XYLT1: variants seen among roughly 807,000 people sequenced by gnomAD.
XYLT1 encodes the protein xylosyltransferase 1.
In XYLT1, 36 loss-of-function variants were observed where a neutral mutation model predicts 91.3. That is an observed-to-expected ratio of 0.39 (90% CI 0.30 to 0.52). XYLT1 has a LOEUF of 0.52. XYLT1 is among the 20% of genes least tolerant of loss of function. The pLI, the probability that XYLT1 is intolerant of heterozygous loss-of-function variation, is 0.68. For synonymous variants in XYLT1, 588 were observed against 532.0 expected (o/e 1.11, Z -1.45); for missense variants, 1,242 against 1,284.5 (o/e 0.97, Z 0.51).
Position 17,390,033 on chromosome 16 carries a change from A to AC in XYLT1, c.364-31984dup, listed in dbSNP as rs199642918. ...TTGCACACAATTAAATAATCACTTCACCCCCTGCCCATCTCTTCAGCATCT... is the reference window on the plus strand; with the variant it reads ...TTGCACACAATTAAATAATCACTTCACCCCCCTGCCCATCTCTTCAGCATCT... On this transcript the variant is annotated intron_variant, in intron 1 of 11. Coordinates refer to ENST00000261381, the MANE Select transcript of XYLT1 (RefSeq NM_022166.4). Among the ~76,000 whole-genome samples the AC allele has an allele frequency of 5.1e-3, 782 of 151,848 alleles. 11 individuals carry two copies. The highest frequency in any genetic ancestry group is 0.018 in the African/African-American group (733 of 41,326).
chr16:17,138,732 A>C, intron 7 of XYLT1: 1 of 553,930 alleles, frequency 1.8e-6, no homozygotes, highest in South Asian at 2.8e-5. Context: ...TTTATAAATT[A>C]CCAAGCCTCA....
chr16:17,188,377 C>T (rs941403081), intron 5 of XYLT1, among the ~76,000 whole-genome samples: 1 of 152,182 alleles, frequency 6.6e-6, no homozygotes, highest in African/African-American at 2.4e-5. Flanking sequence ...GGGCTTGCCT[C>T]GACCTACCTC....
At chr16:17,469,839 G>A (rs2036957312) in intron 1 of XYLT1, among the ~76,000 whole-genome samples, 1 of 152,116 alleles carries the variant, frequency 6.6e-6, no homozygotes. Flanking sequence ...AGGTGAAGAC[G>A]GAAGGCTCAA....
chr16:17,327,354 CTTTT>C (rs202024212), intron 2 of XYLT1, among the ~76,000 whole-genome samples: 6,489 of 134,538 alleles, frequency 0.048, 518 homozygotes, highest in African/African-American at 0.17. Context: ...CTTTTCTTTT[CTTTT>C]TTCTTTTTTT....
At chr16:17,399,186 G>A (rs1360291167) in intron 1 of XYLT1, among the ~76,000 whole-genome samples, 3 of 152,096 alleles carry the variant, frequency 2.0e-5, no homozygotes, top group African/African-American at 7.2e-5. Flanking sequence ...GGCAGGAGAG[G>A]GGACATAATT....
At chr16:17,169,235 A>G (rs527944641) in intron 5 of XYLT1, among the ~76,000 whole-genome samples, 1 of 152,316 alleles carries the variant, frequency 6.6e-6, no homozygotes, top group South Asian at 2.1e-4. Context: ...GAGGCTACAA[A>G]AAGTATGCTG....
At chr16:17,406,146 C>G (rs1281674836) in intron 1 of XYLT1, among the ~76,000 whole-genome samples, 4 of 152,220 alleles carry the variant, frequency 2.6e-5, no homozygotes, top group Non-Finnish European at 4.4e-5. Flanking sequence ...GATTGCACCA[C>G]TGCAGCCTAG....
intron 3 of XYLT1, among the ~76,000 whole-genome samples, chr16:17,247,756 A>G (rs1180179718): frequency 6.6e-6 from 1 of 152,188 alleles, no homozygotes; most frequent in African/African-American, 2.4e-5. Context: ...ACAGCCCAGG[A>G]CACTGAGTCT....
At chr16:17,353,155 C>G (rs1008472675) in intron 2 of XYLT1, among the ~76,000 whole-genome samples, 7 of 152,180 alleles carry the variant, frequency 4.6e-5, no homozygotes, top group African/African-American at 1.2e-4. Context: ...CCTCCTGATG[C>G]CTTTGATCTC....
intron 1 of XYLT1, among the ~76,000 whole-genome samples, chr16:17,422,483 A>G (rs949979227): frequency 6.6e-6 from 1 of 151,298 alleles, no homozygotes; most frequent in African/African-American, 2.4e-5. Context: ...ACAGGTATGC[A>G]CCACTGTGCC....
intron 3 of XYLT1, among the ~76,000 whole-genome samples, chr16:17,238,055 T>C (rs935841998): frequency 7.9e-5 from 12 of 152,200 alleles, no homozygotes; most frequent in Non-Finnish European, 1.8e-4. Context: ...GCTGGGGGAT[T>C]TTTATCATGA....
At chr16:17,109,145 A>T (rs1236469853) in intron 11 of XYLT1, 128 bp from the exon 12 acceptor site, 42 of 990,896 alleles carry the variant, frequency 4.2e-5, no homozygotes, top group Non-Finnish European at 5.6e-5. Context: ...TGACAATCTC[A>T]TGAGGAAGTT....
At chr16:17,261,123 T>C (rs1048880008) in intron 2 of XYLT1, among the ~76,000 whole-genome samples, 1 of 151,634 alleles carries the variant, frequency 6.6e-6, no homozygotes, top group East Asian at 1.9e-4. Context: ...ACACCTGTAG[T>C]CTCAGCTAAC....
chr16:17,191,518 G>T (rs945627606), intron 5 of XYLT1, among the ~76,000 whole-genome samples: 1 of 152,230 alleles, frequency 6.6e-6, no homozygotes, highest in Non-Finnish European at 1.5e-5. Context: ...AGTAGCAGTT[G>T]TGTTTTGGGG....
intron 3 of XYLT1, among the ~76,000 whole-genome samples, chr16:17,229,262 C>A (rs1485320858): frequency 6.6e-6 from 1 of 152,230 alleles, no homozygotes; most frequent in Non-Finnish European, 1.5e-5. Context: ...GCCTCCTGAA[C>A]TGTAGCCCGG....
intron 1 of XYLT1, among the ~76,000 whole-genome samples, chr16:17,453,088 T>C (rs1040570042): frequency 6.6e-6 from 1 of 152,220 alleles, no homozygotes; most frequent in Admixed American, 6.5e-5. Flanking sequence ...AGCCCTATTT[T>C]AAAGACGAAA....
intron 1 of XYLT1, among the ~76,000 whole-genome samples, chr16:17,393,764 TA>T (rs1463840212): frequency 1.8e-3 from 262 of 146,930 alleles, no homozygotes; most frequent in African/African-American, 6.3e-3. Flanking sequence ...ATTAATTAAT[TA>T]ATTATTATTA....
chr16:17,216,734 A>C (rs1366203846), intron 3 of XYLT1, among the ~76,000 whole-genome samples: 1 of 152,166 alleles, frequency 6.6e-6, no homozygotes, highest in Admixed American at 6.5e-5. Flanking sequence ...AGACAGAAAG[A>C]GTGTAATCTG....
chr16:17,161,675 GCGCTCTCT>G (rs1298833477), intron 5 of XYLT1, among the ~76,000 whole-genome samples: 1 of 94,476 alleles, frequency 1.1e-5, no homozygotes, highest in South Asian at 2.8e-4. Context: ...AGTTTCTCGC[GCGCTCTCT>G]CTCTCTCTCT....
Sources: gnomAD v4.1 joint callset for allele counts (sites outside exome capture counted in the v4.1 genomes callset) on GRCh38, gnomAD v4.1.1 for gene constraint, MANE v1.5 for transcripts, NCBI Gene and HGNC (gene_info 2026-07-23, HGNC 2026-07-21) for gene names.